Variants in MIPOL1 observed in about 807,000 individuals in gnomAD.
MIPOL1 encodes the protein mirror-image polydactyly gene 1 protein.
A neutral mutation model predicts 60.9 loss-of-function variants in MIPOL1; 57 were observed. The ratio of observed to expected loss-of-function variants is 0.94; its 90% confidence interval spans 0.76 to 1.17. MIPOL1 has a LOEUF of 1.17. Ranked by LOEUF, MIPOL1 falls within the 50% of genes most tolerant of loss-of-function variation. MIPOL1 has a pLI of 0.00. For synonymous variants in MIPOL1, 179 were observed against 168.8 expected, an observed-to-expected ratio of 1.06 and a Z score of -0.47; for missense variants, 551 against 511.6, an observed-to-expected ratio of 1.08 and a Z score of -0.74.
At chr14:37,529,688 G>A (rs1301287692) in intron 12 of MIPOL1, among the ~76,000 whole-genome samples, 1 of 152,188 alleles carries the variant, frequency 6.6e-6, no homozygotes, top group African/African-American at 2.4e-5. Flanking sequence ...TGTAGAATGG[G>A]TGGGATATGA....
chr14:37,350,727 C>G (rs897436640), intron 9 of MIPOL1, among the ~76,000 whole-genome samples: 3 of 152,166 alleles, frequency 2.0e-5, no homozygotes, highest in Admixed American at 1.3e-4. Context: ...CTCCAGCCCT[C>G]AACTACCCTT....
chr14:37,421,010 G>A (rs550145308), intron 10 of MIPOL1, among the ~76,000 whole-genome samples: 4 of 152,090 alleles, frequency 2.6e-5, no homozygotes, highest in Non-Finnish European at 5.9e-5. Flanking sequence ...TAGATACTGG[G>A]AATTAAGAAA....
At chr14:37,418,680 T>G (rs2093815353) in intron 10 of MIPOL1, among the ~76,000 whole-genome samples, 1 of 152,112 alleles carries the variant, frequency 6.6e-6, no homozygotes, top group African/African-American at 2.4e-5. Context: ...TACTTAAGCT[T>G]TATGAACCTA....
intron 1 of MIPOL1, among the ~76,000 whole-genome samples, chr14:37,245,585 CATTTAAAAGCAA>C (rs1246853416): frequency 6.6e-6 from 1 of 152,032 alleles, no homozygotes; most frequent in Non-Finnish European, 1.5e-5. Context: ...TATTTTAATG[CATTTAAAAGCAA>C]ATTTAAAGGA....
chr14:37,336,845 C>T (rs1687707736), intron 9 of MIPOL1, among the ~76,000 whole-genome samples: 1 of 152,092 alleles, frequency 6.6e-6, no homozygotes, highest in African/African-American at 2.4e-5. Flanking sequence ...ACTGCAACCT[C>T]CACCTCCCAG....
chr14:37,444,605 A>T (rs1360156026), intron 11 of MIPOL1, among the ~76,000 whole-genome samples: 3 of 152,206 alleles, frequency 2.0e-5, no homozygotes, highest in Admixed American at 6.6e-5. Flanking sequence ...GGAATACCTG[A>T]TTTCAAGATA....
intron 7 of MIPOL1, among the ~76,000 whole-genome samples, chr14:37,297,133 A>T (rs2085808762): frequency 6.6e-6 from 1 of 152,240 alleles, no homozygotes. Flanking sequence ...CATCCCTGGG[A>T]TGCAAGGCTG....
At chr14:37,270,125 G>C (rs2083182237) in intron 5 of MIPOL1, among the ~76,000 whole-genome samples, 1 of 152,086 alleles carries the variant, frequency 6.6e-6, no homozygotes, top group Admixed American at 6.6e-5. Flanking sequence ...AACCACATCT[G>C]AACTGCAGTA....
chr14:37,240,940 TAC>T (rs10554089), intron 1 of MIPOL1, among the ~76,000 whole-genome samples: 43,302 of 145,360 alleles, frequency 0.3, 6,225 homozygotes, highest in East Asian at 0.44. Context: ...CACACACACA[TAC>T]ACACACACAC....
chr14:37,406,063 C>T (rs1431797737), intron 10 of MIPOL1, among the ~76,000 whole-genome samples: 2 of 151,836 alleles, frequency 1.3e-5, no homozygotes, highest in African/African-American at 4.8e-5. Flanking sequence ...TTAATACATT[C>T]ATAAAATTTT....
intron 11 of MIPOL1, among the ~76,000 whole-genome samples, chr14:37,487,717 T>G (rs1008760860): frequency 2.6e-5 from 4 of 152,190 alleles, no homozygotes; most frequent in African/African-American, 9.6e-5. Context: ...ATCTATTTGT[T>G]TCTTCTCTTT....
At chr14:37,273,238 T>C (rs1193865190) in intron 6 of MIPOL1, among the ~76,000 whole-genome samples, 2 of 151,066 alleles carry the variant, frequency 1.3e-5, no homozygotes. Context: ...ATGTATATTA[T>C]ATAAAATAAG....
At chr14:37,475,773 C>T (rs907611919) in intron 11 of MIPOL1, among the ~76,000 whole-genome samples, 1 of 151,360 alleles carries the variant, frequency 6.6e-6, no homozygotes, top group Non-Finnish European at 1.5e-5. Context: ...TCTTCTCTTC[C>T]ATTGATCGAT....
At chr14:37,299,847 A>G (rs573818288) in intron 7 of MIPOL1, among the ~76,000 whole-genome samples, 9 of 152,026 alleles carry the variant, frequency 5.9e-5, no homozygotes, top group Non-Finnish European at 1.3e-4. Context: ...GCAGGATTGG[A>G]TTTAGTTTGT....
intron 9 of MIPOL1, among the ~76,000 whole-genome samples, chr14:37,367,505 G>A (rs563900364): frequency 1.8e-4 from 28 of 151,984 alleles, no homozygotes; most frequent in African/African-American, 6.3e-4. Context: ...ATAATAGGTG[G>A]TCACACAACT....
At chr14:37,470,136 T>C (rs1421259526) in intron 11 of MIPOL1, among the ~76,000 whole-genome samples, 1 of 152,122 alleles carries the variant, frequency 6.6e-6, no homozygotes, top group Non-Finnish European at 1.5e-5. Context: ...CAGAGGGGTA[T>C]GAAATGAGAT....
rs570404499 is a variant in MIPOL1 at position 37,307,550 on chromosome 14, A to G, written c.624-506A>G. Among the ~76,000 whole-genome samples the G allele has an allele frequency of 4.6e-5, 7 of 152,108 alleles. 1 individual carries two copies. The highest frequency in any genetic ancestry group is 2.0e-4 in the Admixed American group (3 of 15,250). On this transcript the variant is annotated intron_variant, in intron 7 of 12. Transcript: ENST00000684589. ...AAAATTGTGGTCAGCCTTCCTATGC[A>G]TTTGTTTCATAATAACAAATAGGTA... is the stretch of plus-strand genomic sequence containing the variant.
intron 11 of MIPOL1, among the ~76,000 whole-genome samples, chr14:37,434,082 G>T (rs1313039989): frequency 6.6e-6 from 1 of 152,160 alleles, no homozygotes; most frequent in South Asian, 2.1e-4. Context: ...GGTATTTCTG[G>T]TTCTAGATCC....
intron 1 of MIPOL1, among the ~76,000 whole-genome samples, chr14:37,211,073 A>T (rs907784531): frequency 6.6e-6 from 1 of 152,182 alleles, no homozygotes; most frequent in South Asian, 2.1e-4. Flanking sequence ...GATTTCCTTC[A>T]CTGTCATAAT....
Sources: gnomAD v4.1 joint callset for allele counts (sites outside exome capture counted in the v4.1 genomes callset) on GRCh38, gnomAD v4.1.1 for gene constraint, MANE v1.5 for transcripts, NCBI Gene and HGNC (gene_info 2026-07-23, HGNC 2026-07-21) for gene names.